RAB11FIP2: variants seen among roughly 807,000 people sequenced by gnomAD.
The protein encoded by RAB11FIP2 is RAB11 family interacting protein 2, also known as rab11 family-interacting protein 2.
A neutral mutation model predicts 40.9 loss-of-function variants in RAB11FIP2; 16 were observed. The observed-to-expected ratio is 0.39, with a 90% CI of 0.26 to 0.59. The LOEUF (loss-of-function observed/expected upper bound fraction) is 0.59. Ranked by LOEUF, RAB11FIP2 falls within the 20% of genes least tolerant of loss-of-function variation. RAB11FIP2 has a pLI of 0.53. For missense variants in RAB11FIP2, 532 were observed against 606.2 expected, an observed-to-expected ratio of 0.88 and a Z score of 1.28; for synonymous variants, 228 against 213.7, an observed-to-expected ratio of 1.07 and a Z score of -0.58.
intron 4 of RAB11FIP2, among the ~76,000 whole-genome samples, chr10:118,012,972 T>C (rs905594184): frequency 4.6e-5 from 7 of 152,098 alleles, no homozygotes; most frequent in African/African-American, 1.7e-4. Context: ...AATTACTACA[T>C]GAAGTTTTCT....
intron 2 of RAB11FIP2, 73 bp from the exon 3 acceptor site, chr10:118,039,513 A>G: frequency 7.8e-7 from 1 of 1,275,026 alleles, no homozygotes; most frequent in Non-Finnish European, 1.1e-6. Context: ...GTCTGTGTGC[A>G]TTCTGCTGCT....
chr10:118,005,665 C>T lies in RAB11FIP2; in HGVS notation c.*3333G>A, dbSNP rs1846083114. On this transcript the variant is annotated 3_prime_UTR_variant, in exon 5 of 5. Transcript: ENST00000355624. ...AAAGTTTCAGCTTGATTTACAAATC[C>T]AAGGTAAATTGCTTCTTCTGAAAAG... The T allele has an allele frequency of 6.6e-6, 1 of 151,876 alleles. No individual in the cohort carries two copies. Among genetic ancestry groups the T allele is most frequent in the African/African-American group, 2.4e-5 (1 of 41,346 alleles). 9.4% of individuals were successfully genotyped at this position (151,876 alleles called of 1,614,324 possible). A position where few individuals can be genotyped will look rare whatever the true frequency, so the allele number is the denominator to read the frequency against.
chr10:118,010,809 G>T (rs1196422033), intron 4 of RAB11FIP2, among the ~76,000 whole-genome samples: 2 of 152,060 alleles, frequency 1.3e-5, no homozygotes, highest in Non-Finnish European at 2.9e-5. Flanking sequence ...AACTCTGCTT[G>T]TTCAAAGAAG....
At chr10:118,037,576 T>C (rs1846497240) in intron 3 of RAB11FIP2, among the ~76,000 whole-genome samples, 1 of 152,064 alleles carries the variant, frequency 6.6e-6, no homozygotes, top group Non-Finnish European at 1.5e-5. Context: ...ATTTGGGGCC[T>C]GGCTTTGTAT....
intron 3 of RAB11FIP2, among the ~76,000 whole-genome samples, chr10:118,023,307 G>C (rs17571885): frequency 0.085 from 12,961 of 152,206 alleles, 724 homozygotes; most frequent in Non-Finnish European, 0.13. Context: ...CCACTAAAGA[G>C]ATTTCATTGG....
intron 4 of RAB11FIP2, among the ~76,000 whole-genome samples, chr10:118,014,756 T>C (rs1846195958): frequency 6.6e-6 from 1 of 152,250 alleles, no homozygotes; most frequent in South Asian, 2.1e-4. Context: ...AACCACAAAT[T>C]TGACCCTGAC....
In RAB11FIP2 at chr10:118,008,249, AAG is replaced by A. The variant is rs1333800762; in HGVS notation, c.*747_*748del. 1 of 152,174 alleles carries A rather than the reference AAG, an allele frequency of 6.6e-6. No homozygotes were observed. Among genetic ancestry groups the A allele is most frequent in the African/African-American group, 2.4e-5 (1 of 41,442 alleles). 9.4% of individuals were successfully genotyped at this position (152,174 alleles called of 1,614,324 possible). On this transcript the variant is annotated 3_prime_UTR_variant, in exon 5 of 5. Transcript: ENST00000355624. ...GACTTGAGATCATCACTTTTGGGGA[AAG>A]AGAAAAACTTTGATGCTAGAATAAT...
At chr10:118,013,567 T>G (rs796122433) in intron 4 of RAB11FIP2, among the ~76,000 whole-genome samples, 12 of 152,140 alleles carry the variant, frequency 7.9e-5, no homozygotes, top group Non-Finnish European at 1.6e-4. Context: ...ATCTTCAACA[T>G]AAAAATTGTT....
Position 118,046,123 on chromosome 10 carries a change from T to C in RAB11FIP2, c.41A>G (p.His14Arg). ...SEQAQKWFPT[H>R]VQVTVLQAKD... ...GGCTTGGAGCACTGTGACCTGCACGTGGGTTGGAAACCACTTTTGGGCTTG... is the reference window on the plus strand; with the variant it reads ...GGCTTGGAGCACTGTGACCTGCACGCGGGTTGGAAACCACTTTTGGGCTTG... The change falls in exon 1 of 5, where the codon CAC becomes CGC. Residue 14 changes from histidine (H) to arginine (R), a missense_variant. Physicochemically the swap from His to Arg is conservative, Grantham distance 29. Coordinates refer to ENST00000355624, the MANE Select transcript of RAB11FIP2 (RefSeq NM_014904.3). 1 of 1,614,232 alleles carries C rather than the reference T, an allele frequency of 6.2e-7. No individual in the cohort carries two copies. Among genetic ancestry groups the C allele is most frequent in the Non-Finnish European group, 8.5e-7 (1 of 1,180,034 alleles).
chr10:118,021,017 T>C (rs1371721771), intron 3 of RAB11FIP2, among the ~76,000 whole-genome samples: 2 of 151,980 alleles, frequency 1.3e-5, no homozygotes, highest in African/African-American at 2.4e-5. Context: ...AAAATATGCA[T>C]AGCCTCTTCT....
At chr10:118,027,866 T>A (rs1846363988) in intron 3 of RAB11FIP2, among the ~76,000 whole-genome samples, 1 of 152,144 alleles carries the variant, frequency 6.6e-6, no homozygotes, top group Non-Finnish European at 1.5e-5. Context: ...GTTGTCTATC[T>A]AGTCATGCCC....
intron 3 of RAB11FIP2, among the ~76,000 whole-genome samples, chr10:118,037,115 TAA>T (rs1846491647): frequency 6.6e-6 from 1 of 152,176 alleles, no homozygotes; most frequent in East Asian, 1.9e-4. Context: ...AAAAGTTTAG[TAA>T]AGAGGGAAAG....
chr10:118,013,743 A>C (rs1303621351), intron 4 of RAB11FIP2, among the ~76,000 whole-genome samples: 2 of 152,082 alleles, frequency 1.3e-5, no homozygotes, highest in African/African-American at 4.8e-5. Context: ...TCACCTTTAA[A>C]TCCTTTAACT....
intron 4 of RAB11FIP2, among the ~76,000 whole-genome samples, chr10:118,012,201 A>G (rs1846166151): frequency 6.6e-6 from 1 of 151,984 alleles, no homozygotes; most frequent in African/African-American, 2.4e-5. Context: ...TCTAGAATAC[A>G]CAGATATGTT....
At chr10:118,034,938 C>A (rs1264841188) in intron 3 of RAB11FIP2, among the ~76,000 whole-genome samples, 1 of 152,146 alleles carries the variant, frequency 6.6e-6, no homozygotes, top group Admixed American at 6.5e-5. Context: ...CTTCCTTCTG[C>A]GTATACAGCT....
chr10:118,028,017 C>G (rs1477840877), intron 3 of RAB11FIP2, among the ~76,000 whole-genome samples: 1 of 152,104 alleles, frequency 6.6e-6, no homozygotes, highest in East Asian at 1.9e-4. Context: ...CTGTTTAACA[C>G]AGTTTATTCT....
rs1261193625 is a variant in RAB11FIP2 at position 118,040,525 on chromosome 10, T to C, written c.394A>G (p.Asn132Asp). 1 of 1,610,110 alleles carries C rather than the reference T, an allele frequency of 6.2e-7. No homozygotes were observed. The highest frequency in any genetic ancestry group is 1.3e-5 in the African/African-American group (1 of 74,638). The change falls in exon 2 of 5, where the codon AAC (asparagine) becomes GAC (aspartate). Residue 132 changes from asparagine (N) to aspartate (D), a missense_variant. Physicochemically the swap from Asn to Asp is conservative, Grantham distance 23. Transcript: ENST00000355624. ...ATATTGACCTTTATCTCACCCCTGT[T>C]TTTGATTCGTTTTCCTTGTTTGGAT... Reference protein sequence around the residue: ...LESKQGKRIKNRGEIKVNIQF... With the variant: ...LESKQGKRIKDRGEIKVNIQF...
At chr10:118,020,247 A>G (rs563219861) in intron 3 of RAB11FIP2, among the ~76,000 whole-genome samples, 3 of 152,178 alleles carry the variant, frequency 2.0e-5, no homozygotes, top group Non-Finnish European at 4.4e-5. Context: ...GAGCTGCTCT[A>G]AACTGTCAGT....
rs541283057 is a variant in RAB11FIP2 at position 118,046,223 on chromosome 10, G to A, written c.-60C>T. ...ACAGGCAGTGCCCCTCCCGGAGGGA[G>A]AGCCTAATTCCTTAATCACTGCATC... On this transcript the variant is annotated 5_prime_UTR_variant, in exon 1 of 5. Coordinates refer to ENST00000355624, the MANE Select transcript of RAB11FIP2 (RefSeq NM_014904.3). 24 of 1,419,140 alleles carry A rather than the reference G, an allele frequency of 1.7e-5. No homozygotes were observed. The highest frequency in any genetic ancestry group is 2.3e-5 in the Non-Finnish European group (23 of 1,019,942). The allele number at this position is 1,419,140 out of a possible 1,614,324, so 87.9% of individuals were successfully genotyped here. A position where few individuals can be genotyped will look rare whatever the true frequency, so the allele number is the denominator to read the frequency against.
Sources: gnomAD v4.1 joint callset for allele counts (sites outside exome capture counted in the v4.1 genomes callset) on GRCh38, gnomAD v4.1.1 for gene constraint, MANE v1.5 for transcripts, NCBI Gene and HGNC (gene_info 2026-07-23, HGNC 2026-07-21) for gene names.